TSHZ2: variants seen among roughly 807,000 people sequenced by gnomAD.
The protein encoded by TSHZ2 is teashirt homolog 2.
In TSHZ2, 21 loss-of-function variants were observed where a neutral mutation model predicts 74.4. That is an observed-to-expected ratio of 0.28 (90% CI 0.20 to 0.41). The LOEUF (loss-of-function observed/expected upper bound fraction) is 0.41. Ranked by LOEUF, TSHZ2 falls within the 10% of genes least tolerant of loss-of-function variation. The pLI is 1.00. For synonymous variants in TSHZ2, 540 were observed against 515.3 expected (o/e 1.05, Z -0.65); for missense variants, 1,244 against 1,293.5 (o/e 0.96, Z 0.59).
At chr20:53,247,760 C>T (rs1600765704) in intron 1 of TSHZ2, among the ~76,000 whole-genome samples, 2 of 152,298 alleles carry the variant, frequency 1.3e-5, no homozygotes, top group Middle Eastern at 6.8e-3. Flanking sequence ...ATCCTGTCAC[C>T]ATCGGATATG....
At chr20:53,217,222 G>C (rs1172939771) in intron 1 of TSHZ2, among the ~76,000 whole-genome samples, 2 of 152,278 alleles carry the variant, frequency 1.3e-5, no homozygotes, top group East Asian at 3.9e-4. Context: ...GGCCCCACCT[G>C]TCTGCGCTTG....
chr20:53,178,137 C>G (rs1396543578), intron 1 of TSHZ2: 1 of 152,224 alleles, frequency 6.6e-6, no homozygotes, highest in Admixed American at 6.5e-5. Context: ...ACCTCTTTTA[C>G]CTTCCATTTC....
At chr20:53,014,482 C>G (rs1982965012) in intron 1 of TSHZ2, among the ~76,000 whole-genome samples, 1 of 152,058 alleles carries the variant, frequency 6.6e-6, no homozygotes, top group Non-Finnish European at 1.5e-5. Flanking sequence ...AGTTATGAAC[C>G]AGGAGCTGTG....
intron 1 of TSHZ2, among the ~76,000 whole-genome samples, chr20:53,031,251 G>A (rs6022232): frequency 3.3e-5 from 5 of 152,132 alleles, no homozygotes; most frequent in Non-Finnish European, 7.3e-5. Flanking sequence ...AGGTGCTATC[G>A]CAGCCTGTCA....
At chr20:53,343,455 TA>T (rs1245283320) in intron 2 of TSHZ2, among the ~76,000 whole-genome samples, 6 of 152,076 alleles carry the variant, frequency 3.9e-5, no homozygotes, top group African/African-American at 1.4e-4. Flanking sequence ...TGTCGGCAGA[TA>T]AAAAGAAATC....
chr20:53,401,194 G>T (rs1027431116), intron 2 of TSHZ2: 5 of 151,844 alleles, frequency 3.3e-5, no homozygotes, highest in African/African-American at 1.2e-4. Context: ...CAGATCAGGT[G>T]ACTGCCCTCA....
chr20:53,410,456 G>A (rs113069923), intron 2 of TSHZ2, among the ~76,000 whole-genome samples: 1,846 of 152,212 alleles, frequency 0.012, 38 homozygotes, highest in African/African-American at 0.042. Context: ...AAAGGTCTCA[G>A]TACGATAACA....
chr20:53,213,278 A>G (rs115478979), intron 1 of TSHZ2, among the ~76,000 whole-genome samples: 1,811 of 152,298 alleles, frequency 0.012, 42 homozygotes, highest in African/African-American at 0.042. Context: ...TGCCTTGAAA[A>G]TTTCATGCAA....
chr20:53,274,789 T>C (rs1990908839), intron 2 of TSHZ2, among the ~76,000 whole-genome samples: 1 of 152,172 alleles, frequency 6.6e-6, no homozygotes, highest in Non-Finnish European at 1.5e-5. Context: ...CTCTTTCTCT[T>C]TCTTTGCCTC....
At chr20:53,283,245 C>A (rs1453810857) in intron 2 of TSHZ2, among the ~76,000 whole-genome samples, 2 of 152,198 alleles carry the variant, frequency 1.3e-5, no homozygotes, top group African/African-American at 4.8e-5. Context: ...AATTCAAATG[C>A]AAATTTGCCA....
chr20:53,096,685 C>G (rs1986059293), intron 1 of TSHZ2, among the ~76,000 whole-genome samples: 2 of 151,954 alleles, frequency 1.3e-5, no homozygotes, highest in South Asian at 4.2e-4. Context: ...GAGTCCAACA[C>G]TAGCCTGGCC....
chr20:53,199,568 C>T (rs1041342043), intron 1 of TSHZ2, among the ~76,000 whole-genome samples: 1 of 152,220 alleles, frequency 6.6e-6, no homozygotes, highest in African/African-American at 2.4e-5. Flanking sequence ...AAGCCAGAGA[C>T]AGCGAAACTC....
intron 1 of TSHZ2, among the ~76,000 whole-genome samples, chr20:52,983,730 G>A (rs1981651192): frequency 6.6e-6 from 1 of 152,210 alleles, no homozygotes; most frequent in Admixed American, 6.5e-5. Context: ...GAAGAGCAGT[G>A]ATATCCCTTT....
intron 2 of TSHZ2, among the ~76,000 whole-genome samples, chr20:53,448,170 GGAA>G (rs1389876495): frequency 3.3e-5 from 5 of 152,234 alleles, no homozygotes; most frequent in Admixed American, 2.0e-4. Context: ...TCGGCCTCCT[GGAA>G]GAAGACTTTA....
chr20:53,389,888 C>A (rs190456604), intron 2 of TSHZ2, among the ~76,000 whole-genome samples: 6 of 152,166 alleles, frequency 3.9e-5, no homozygotes, highest in Non-Finnish European at 5.9e-5. Context: ...ATGTCAATAG[C>A]GCTGAGGTTG....
intron 1 of TSHZ2, among the ~76,000 whole-genome samples, chr20:53,170,211 C>G (rs6022315): frequency 0.037 from 5,632 of 152,256 alleles, 363 homozygotes; most frequent in African/African-American, 0.13. Flanking sequence ...GGCTATGCTG[C>G]TTCTAATTCC....
At chr20:53,205,346 G>T (rs994591093) in intron 1 of TSHZ2, among the ~76,000 whole-genome samples, 1 of 152,138 alleles carries the variant, frequency 6.6e-6, no homozygotes, top group African/African-American at 2.4e-5. Flanking sequence ...GAACTTGTGG[G>T]CAATGCTTCA....
chr20:53,309,860 C>T (rs1216624070), intron 2 of TSHZ2, among the ~76,000 whole-genome samples: 1 of 152,094 alleles, frequency 6.6e-6, no homozygotes, highest in Non-Finnish European at 1.5e-5. Flanking sequence ...AACATGAATC[C>T]CAAAACCGAG....
At chr20:53,037,422 A>G (rs898900075) in intron 1 of TSHZ2, among the ~76,000 whole-genome samples, 1 of 152,238 alleles carries the variant, frequency 6.6e-6, no homozygotes, top group African/African-American at 2.4e-5. Flanking sequence ...ACGTGAAAAG[A>G]CATGGACCTA....
Sources: allele counts gnomAD v4.1 joint callset (sites outside exome capture counted in the v4.1 genomes callset), GRCh38; gene constraint gnomAD v4.1.1; transcripts MANE v1.5; gene names NCBI Gene and HGNC (gene_info 2026-07-23, HGNC 2026-07-21).